Variants in PUDP observed in about 807,000 individuals in gnomAD.
PUDP encodes the protein pseudouridine-5'-phosphatase.
PUDP carries 8 observed loss-of-function variants against 9.4 expected under a neutral mutation model. The ratio of observed to expected loss-of-function variants is 0.85; its 90% CI spans 0.50 to 1.53. The LOEUF (loss-of-function observed/expected upper bound fraction) is 1.53, where lower values mean the gene tolerates loss of function less well. PUDP is among the 40% of genes most tolerant of loss of function. The pLI, the probability that PUDP is intolerant of heterozygous loss-of-function variation, is 0.00. For missense variants in PUDP, 188 were observed against 189.7 expected (o/e 0.99, Z 0.05); for synonymous variants, 99 against 80.7 (o/e 1.23, Z -1.22).
At chrX:6,833,243 G>C (rs557296583) in intron 3 of PUDP, among the ~76,000 whole-genome samples, 5 of 111,380 alleles carry the variant, frequency 4.5e-5, no homozygotes, top group African/African-American at 1.7e-4. Context: ...TTATAATGTA[G>C]GTAGGTAGAT....
intron 3 of PUDP, among the ~76,000 whole-genome samples, chrX:6,919,545 C>A (rs1459463320): frequency 9.1e-6 from 1 of 110,494 alleles, no homozygotes; most frequent in Non-Finnish European, 1.9e-5. Flanking sequence ...GAATGAGACA[C>A]AGGTTGAAAA....
chrX:6,798,419 T>A (rs1404751782), intron 3 of PUDP, among the ~76,000 whole-genome samples: 2 of 111,756 alleles, frequency 1.8e-5, no homozygotes, highest in East Asian at 5.6e-4. Flanking sequence ...CCAAACCATA[T>A]CATGTTACAA....
intron 1 of PUDP, among the ~76,000 whole-genome samples, chrX:7,125,237 T>C (rs1264760322): frequency 9.0e-6 from 1 of 111,508 alleles, no homozygotes; most frequent in Non-Finnish European, 1.9e-5. Flanking sequence ...GAATAACACA[T>C]ATGTATAAAT....
intron 3 of PUDP, among the ~76,000 whole-genome samples, chrX:6,763,166 A>AC (rs776798478): frequency 4.4e-4 from 49 of 112,302 alleles, no homozygotes; most frequent in Non-Finnish European, 8.1e-4. Context: ...AGGTGGGTGG[A>AC]TCAGTTGAGG....
intron 3 of PUDP, among the ~76,000 whole-genome samples, chrX:6,935,896 A>C (rs1280264829): frequency 3.5e-5 from 3 of 86,657 alleles, no homozygotes; most frequent in Non-Finnish European, 4.5e-5. Context: ...GAAATGGATA[A>C]ATTCCTCGAC....
At chrX:6,751,376 C>G (rs762790119) in intron 3 of PUDP, among the ~76,000 whole-genome samples, 1 of 111,221 alleles carries the variant, frequency 9.0e-6, no homozygotes, top group Non-Finnish European at 1.9e-5. Flanking sequence ...TTCGCAAAGT[C>G]TCTGGTTTTC....
intron 3 of PUDP, among the ~76,000 whole-genome samples, chrX:6,932,822 A>C (rs1227190596): frequency 9.0e-6 from 1 of 111,025 alleles, no homozygotes; most frequent in East Asian, 2.9e-4. Context: ...ATTATATCCC[A>C]CACCTGGCTC....
chrX:7,000,197 T>C (rs1422681708), intron 1 of PUDP, among the ~76,000 whole-genome samples: 1 of 111,232 alleles, frequency 9.0e-6, no homozygotes, highest in Non-Finnish European at 1.9e-5. Flanking sequence ...AACCCACAAA[T>C]GTAAATACTA....
chrX:6,819,812 G>A (rs957490878), intron 3 of PUDP, among the ~76,000 whole-genome samples: 5 of 111,215 alleles, frequency 4.5e-5, no homozygotes, highest in African/African-American at 1.6e-4. Context: ...GCCCCATGGT[G>A]TCTTTACCAG....
intron 1 of PUDP, among the ~76,000 whole-genome samples, chrX:7,011,788 A>C (rs1455884595): frequency 8.9e-6 from 1 of 112,089 alleles, no homozygotes; most frequent in Non-Finnish European, 1.9e-5. Context: ...TGGATCCTTC[A>C]AGGGCTTGAG....
chrX:7,116,939 C>A, intron 1 of PUDP: 1 of 1,164,728 alleles, frequency 8.6e-7, no homozygotes, highest in Non-Finnish European at 1.1e-6. Flanking sequence ...CATGCTTTTG[C>A]CATGTTACAT....
chrX:7,049,994 A>C lies in PUDP; in HGVS notation c.*302T>G. 1 of 274,037 alleles carries C rather than the reference A, an allele frequency of 3.6e-6. No individual in the cohort carries two copies. The allele number at this position is 274,037 out of a possible 1,213,427, so 22.6% of individuals were successfully genotyped here. ...CATGTATATATGGAGGTGTGTGTGT[A>C]TATACATGTACATTCACTTTATCAC... On this transcript the variant is annotated 3_prime_UTR_variant, in exon 4 of 4. Transcript: ENST00000381077.
chrX:7,065,669 G>C (rs762344570), intron 3 of PUDP, among the ~76,000 whole-genome samples: 1 of 112,430 alleles, frequency 8.9e-6, no homozygotes, highest in African/African-American at 3.2e-5. Context: ...GCCAGATCGG[G>C]TGAGGAAGGT....
intron 3 of PUDP, among the ~76,000 whole-genome samples, chrX:6,949,386 T>C (rs1602686565): frequency 1.8e-5 from 2 of 111,500 alleles, no homozygotes; most frequent in African/African-American, 6.5e-5. Flanking sequence ...CTCCTTATCC[T>C]TTTCCTCCTT....
intron 3 of PUDP, among the ~76,000 whole-genome samples, chrX:6,944,713 T>C (rs921601903): frequency 9.0e-6 from 1 of 111,108 alleles, no homozygotes; most frequent in Non-Finnish European, 1.9e-5. Context: ...GAGTTGTTTT[T>C]CAGAAGCCTG....
At chrX:6,993,630 C>G (rs1414679026) in intron 1 of PUDP, among the ~76,000 whole-genome samples, 1 of 112,135 alleles carries the variant, frequency 8.9e-6, no homozygotes, top group South Asian at 3.8e-4. Flanking sequence ...GATTTGATAA[C>G]AGGCCATTTT....
intron 3 of PUDP, among the ~76,000 whole-genome samples, chrX:6,948,925 G>A (rs937663417): frequency 6.2e-5 from 7 of 112,091 alleles, no homozygotes; most frequent in African/African-American, 2.3e-4. Flanking sequence ...GGCAGAACTG[G>A]AATATAATTT....
chrX:6,985,617 G>A (rs1392074569), intron 1 of PUDP, among the ~76,000 whole-genome samples: 4 of 111,402 alleles, frequency 3.6e-5, no homozygotes, highest in African/African-American at 9.8e-5. Context: ...TGAGGGCACC[G>A]GCTCTATCAG....
chrX:6,733,075 C>T (rs1462090579), intron 3 of PUDP, among the ~76,000 whole-genome samples: 3 of 112,604 alleles, frequency 2.7e-5, no homozygotes, highest in African/African-American at 9.7e-5. Context: ...GATTGAGCCA[C>T]TGGGCCTGTG....
Sources: allele counts gnomAD v4.1 joint callset (sites outside exome capture counted in the v4.1 genomes callset), GRCh38; gene constraint gnomAD v4.1.1; transcripts MANE v1.5; gene names NCBI Gene and HGNC (gene_info 2026-07-23, HGNC 2026-07-21).